HPCAL1: variants seen among roughly 807,000 people sequenced by gnomAD.
HPCAL1 encodes the protein hippocalcin-like protein 1.
A neutral mutation model predicts 17.1 loss-of-function variants in HPCAL1; 8 were observed. The observed-to-expected ratio is 0.47, with a 90% CI of 0.27 to 0.84. The LOEUF is 0.84. Among genes scored for constraint, HPCAL1 ranks in the 40% least tolerant of loss-of-function variants. The pLI, the probability that HPCAL1 is intolerant of heterozygous loss-of-function variation, is 0.13. For synonymous variants in HPCAL1, 112 were observed against 111.4 expected (o/e 1.01, Z -0.03); for missense variants, 165 against 271.1 (o/e 0.61, Z 2.75).
intron 1 of HPCAL1, among the ~76,000 whole-genome samples, chr2:10,339,201 G>A (rs1340094933): frequency 1.3e-5 from 2 of 152,180 alleles, no homozygotes; most frequent in South Asian, 2.1e-4. Context: ...CACCCAGACT[G>A]GAGGGCAGTG....
chr2:10,402,562 C>A (rs1669687941), intron 2 of HPCAL1, among the ~76,000 whole-genome samples: 1 of 152,200 alleles, frequency 6.6e-6, no homozygotes, highest in Non-Finnish European at 1.5e-5. Flanking sequence ...CAGACTGTAG[C>A]TGCTGGGGCC....
chr2:10,318,885 C>T (rs1189080484), intron 1 of HPCAL1, among the ~76,000 whole-genome samples: 4 of 152,200 alleles, frequency 2.6e-5, no homozygotes, highest in African/African-American at 9.7e-5. Context: ...GAATAGCACC[C>T]ACCCGTGCCT....
Position 10,362,778 on chromosome 2 carries a change from T to C in HPCAL1, c.-110-34057T>C, listed in dbSNP as rs1666601480. 6.6e-6 allele frequency among the ~76,000 whole-genome samples: 1 copy of C among 152,222 alleles called. No individual in the cohort carries two copies. The highest frequency in any genetic ancestry group is 6.5e-5 in the Admixed American group (1 of 15,280). ...GCTGAGGAGGGCAGCCAGAAGCCCC[T>C]GCATCAGGTAGGAGTGCTGAGTCAT... On this transcript the variant is annotated intron_variant, in intron 1 of 4. Transcript: ENST00000307845. The surrounding 1 kb of genome is among the most constrained non-coding windows in gnomAD (Gnocchi z 5.0).
rs1663798734 is a variant in HPCAL1, at chr2:10,323,394, C to G, written c.-111+20217C>G. ...CTTTCCAGTAGACAGAGTGCCCTGGCCAGCAGAGGCCAAACACATTCCCAT... is the reference window on the plus strand; with the variant it reads ...CTTTCCAGTAGACAGAGTGCCCTGGGCAGCAGAGGCCAAACACATTCCCAT... On this transcript the variant is annotated intron_variant, in intron 1 of 4. Transcript: ENST00000307845. The surrounding 1 kb of genome is among the most constrained non-coding windows in gnomAD (Gnocchi z 4.6). 6.6e-6 allele frequency among the ~76,000 whole-genome samples: 1 copy of G among 152,232 alleles called. No homozygotes were observed. Among genetic ancestry groups the G allele is most frequent in the African/African-American group, 2.4e-5 (1 of 41,454 alleles).
At chr2:10,319,076 C>T (rs1450791277) in intron 1 of HPCAL1, among the ~76,000 whole-genome samples, 1 of 152,196 alleles carries the variant, frequency 6.6e-6, no homozygotes, top group Non-Finnish European at 1.5e-5. Context: ...ATGTAAGGAC[C>T]ATCATCAACA....
At position 10,399,262 on chromosome 2, in the gene HPCAL1, T is replaced by TCACCAC. The variant is rs1558517643; in HGVS notation, c.-25+2354_-25+2359dup. Among the ~76,000 whole-genome samples the TCACCAC allele has an allele frequency of 2.1e-4, 3 of 14,294 alleles. 1 individual carries two copies. The highest frequency in any genetic ancestry group is 6.3e-3 in the East Asian group (2 of 318). The allele number at this position is 14,294 out of a possible 152,430, so 9.4% of individuals were successfully genotyped here. A position where few individuals can be genotyped will look rare whatever the true frequency, so the allele number is the denominator to read the frequency against. Reference sequence around the variant, plus strand: ...ACCATCACCACCACCACCACCACCATCACCACCACCACCACCATCACCACC... The same window carrying TCACCAC: ...ACCATCACCACCACCACCACCACCATCACCACCACCACCACCACCACCATCACCACC... On this transcript the variant is annotated intron_variant, in intron 2 of 4. Transcript: ENST00000307845.
In HPCAL1 at chr2:10,369,255, C is replaced by G. The variant is rs891684207; in HGVS notation, c.-110-27580C>G. 5.3e-5 allele frequency: 8 copies of G among 152,334 alleles called. 1 individual carries two copies. Among genetic ancestry groups the G allele is most frequent in the South Asian group, 4.1e-4 (2 of 4,828 alleles). 9.4% of individuals were successfully genotyped at this position (152,334 alleles called of 1,614,324 possible). On this transcript the variant is annotated intron_variant, in intron 1 of 4. Coordinates refer to ENST00000307845, the MANE Select transcript of HPCAL1 (RefSeq NM_002149.4). ...ATGCCCGTGGCCTGATTTCTGTGCC[C>G]CCATCTTGCCTCTTAGAGTTTGTTG...
Position 10,365,821 on chromosome 2 carries a change from T to G in HPCAL1, c.-110-31014T>G, listed in dbSNP as rs1666812244. 6.6e-6 allele frequency among the ~76,000 whole-genome samples: 1 copy of G among 152,136 alleles called. No homozygotes were observed. Among genetic ancestry groups the G allele is most frequent in the African/African-American group, 2.4e-5 (1 of 41,420 alleles). On this transcript the variant is annotated intron_variant, in intron 1 of 4. Coordinates refer to ENST00000307845, the MANE Select transcript of HPCAL1 (RefSeq NM_002149.4). The surrounding 1 kb of genome is among the most constrained non-coding windows in gnomAD (Gnocchi z 4.8). Reference sequence around the variant, plus strand: ...GACTGGACCTAGGCCTGCTGCATTCTGGGTTGAGGTCCTCTTGCTGCCTCT... The same window carrying G: ...GACTGGACCTAGGCCTGCTGCATTCGGGGTTGAGGTCCTCTTGCTGCCTCT...
rs897567952 is a variant in HPCAL1 at position 10,344,757 on chromosome 2, CT to C, written c.-111+41583del. On this transcript the variant is annotated intron_variant, in intron 1 of 4. Transcript: ENST00000307845. This position sits in a 1 kb window ranked among gnomAD's most constrained non-coding sequence, Gnocchi z 4.9. ...TCTATGTGTCTGTTTCTCTCTCCCT[CT>C]TTCTGTGTGTGTCTCTCTCTGTGCC... is the stretch of plus-strand genomic sequence containing the variant. Among the ~76,000 whole-genome samples, 55 of 152,224 alleles carry C rather than the reference CT, an allele frequency of 3.6e-4. No individual in the cohort carries two copies. Among genetic ancestry groups the C allele is most frequent in the African/African-American group, 1.3e-3 (54 of 41,530 alleles).
chr2:10,341,782 A>C (rs989511472), intron 1 of HPCAL1, among the ~76,000 whole-genome samples: 5 of 152,214 alleles, frequency 3.3e-5, no homozygotes, highest in Admixed American at 3.3e-4. Flanking sequence ...TCTTAAAAGC[A>C]ATACCTTCCT....
intron 1 of HPCAL1, among the ~76,000 whole-genome samples, chr2:10,312,319 T>TCTTTCTC (rs1663027034): frequency 7.2e-5 from 1 of 13,972 alleles, no homozygotes; most frequent in Non-Finnish European, 1.1e-4. Flanking sequence ...ATCATCATCA[T>TCTTTCTC]CATATCATCA....
At chr2:10,385,292 G>A (rs756528537) in intron 1 of HPCAL1, among the ~76,000 whole-genome samples, 37 of 152,296 alleles carry the variant, frequency 2.4e-4, no homozygotes, top group Non-Finnish European at 4.0e-4. Context: ...CCGAGCTTAC[G>A]TCCCTGGGGG....
In HPCAL1 at chr2:10,377,399, C is replaced by T. The variant is rs1207107493; in HGVS notation, c.-110-19436C>T. Among the ~76,000 whole-genome samples, 1 of 152,178 alleles carries T rather than the reference C, an allele frequency of 6.6e-6. No homozygotes were observed. The highest frequency in any genetic ancestry group is 1.9e-4 in the East Asian group (1 of 5,184). On this transcript the variant is annotated intron_variant, in intron 1 of 4. Coordinates refer to ENST00000307845, the MANE Select transcript of HPCAL1 (RefSeq NM_002149.4). This position sits in a 1 kb window ranked among gnomAD's most constrained non-coding sequence, Gnocchi z 5.9. ...CTTGCAAAGGTAACTGGCATTCTGC[C>T]GGCTGCTCAACTCTGTGGACACCAG... is the stretch of plus-strand genomic sequence containing the variant.
At chr2:10,339,906 A>C (rs1281702431) in intron 1 of HPCAL1, among the ~76,000 whole-genome samples, 3 of 152,210 alleles carry the variant, frequency 2.0e-5, no homozygotes, top group Non-Finnish European at 4.4e-5. Context: ...CAGCGGAGCC[A>C]GCACTCTCCC....
intron 1 of HPCAL1, among the ~76,000 whole-genome samples, chr2:10,319,324 G>A (rs1462241958): frequency 5.3e-5 from 8 of 152,160 alleles, no homozygotes; most frequent in African/African-American, 4.8e-5. Flanking sequence ...GAAATGGGAC[G>A]ATGTTTGAAG....
At chr2:10,414,043 T>A (rs1670506409) in intron 2 of HPCAL1, among the ~76,000 whole-genome samples, 2 of 152,258 alleles carry the variant, frequency 1.3e-5, no homozygotes, top group Non-Finnish European at 2.9e-5. Context: ...CCAGACCGCC[T>A]GGGTCCAAGC....
intron 2 of HPCAL1, among the ~76,000 whole-genome samples, chr2:10,399,555 ACTACCGCCACCGCCACCACCACCG>A (rs1467583080): frequency 5.5e-5 from 3 of 54,532 alleles, no homozygotes; most frequent in East Asian, 1.3e-3. Context: ...CACCGCCACC[ACTACCGCCACCGCCACCACCACCG>A]CCACCGCCAC....
At chr2:10,380,807 AT>A (rs1224696241) in intron 1 of HPCAL1, among the ~76,000 whole-genome samples, 2 of 152,268 alleles carry the variant, frequency 1.3e-5, no homozygotes, top group South Asian at 4.1e-4. Context: ...GGCACATATC[AT>A]TGGCCGCAAA....
chr2:10,369,088 A>G (rs1176835290), intron 1 of HPCAL1: 2 of 152,174 alleles, frequency 1.3e-5, no homozygotes, highest in Non-Finnish European at 2.9e-5. Flanking sequence ...CCACCTTCGC[A>G]CTGGAACCTG....
Sources: gnomAD v4.1 joint callset for allele counts (sites outside exome capture counted in the v4.1 genomes callset) on GRCh38, gnomAD v4.1.1 for gene constraint, Gnocchi (gnomAD v3.1) non-coding constraint, MANE v1.5 for transcripts, NCBI Gene and HGNC (gene_info 2026-07-23, HGNC 2026-07-21) for gene names.